Variants in DNAH6 observed in about 807,000 individuals in gnomAD.
DNAH6 encodes axonemal beta dynein heavy chain 6.
Under a neutral mutation model 491.4 loss-of-function variants are expected in DNAH6, and 340 were observed. The ratio of observed to expected loss-of-function variants is 0.69; its 90% CI spans 0.63 to 0.76. The LOEUF (loss-of-function observed/expected upper bound fraction) is 0.76, where lower values mean the gene tolerates loss of function less well. Ranked by LOEUF, DNAH6 falls within the 30% of genes least tolerant of loss-of-function variation. The pLI is 0.00. For synonymous variants in DNAH6, 1,603 were observed against 1,686.1 expected (o/e 0.95, Z 1.21); for missense variants, 4,443 against 4,972.2 (o/e 0.89, Z 3.20).
intron 11 of DNAH6, among the ~76,000 whole-genome samples, chr2:84,560,292 G>A (rs2104614006): frequency 6.6e-6 from 1 of 152,030 alleles, no homozygotes; most frequent in Non-Finnish European, 1.5e-5. Flanking sequence ...AAGAGAATTA[G>A]ACTAGCATCA....
At chr2:84,667,539 A>T (rs918519318) in intron 37 of DNAH6, among the ~76,000 whole-genome samples, 6 of 152,122 alleles carry the variant, frequency 3.9e-5, no homozygotes, top group Non-Finnish European at 7.4e-5. Flanking sequence ...TGCAAATCAA[A>T]ACCACAATGA....
intron 28 of DNAH6, 119 bp from the exon 29 acceptor site, chr2:84,624,783 G>A: frequency 1.6e-6 from 2 of 1,244,686 alleles, no homozygotes; most frequent in Middle Eastern, 2.4e-4. Context: ...ATCTTTTGGT[G>A]TATTTCAATT....
chr2:84,559,733 A>G (rs576664653), intron 11 of DNAH6, among the ~76,000 whole-genome samples: 1 of 152,362 alleles, frequency 6.6e-6, no homozygotes, highest in South Asian at 2.1e-4. Flanking sequence ...ACTAACAGCC[A>G]TGAAGCAAAA....
the DNAH6 span, among the ~76,000 whole-genome samples, chr2:84,497,619 A>T: frequency 1.4e-4 from 21 of 152,234 alleles, no homozygotes; most frequent in African/African-American, 5.1e-4. Flanking sequence ...GAACTGCCGT[A>T]GGATTCTCTG....
At chr2:84,670,275 T>A in intron 38 of DNAH6, 53 bp from the exon 39 acceptor site, 2 of 1,257,260 alleles carry the variant, frequency 1.6e-6, no homozygotes, top group East Asian at 2.6e-5. Context: ...ATTACAGATA[T>A]AACTGAAAGA....
intron 3 of DNAH6, among the ~76,000 whole-genome samples, chr2:84,527,778 G>A (rs562938027): frequency 6.6e-6 from 1 of 152,248 alleles, no homozygotes; most frequent in East Asian, 1.9e-4. Flanking sequence ...ATCAGAGTTG[G>A]GGTATAATGT....
intron 12 of DNAH6, among the ~76,000 whole-genome samples, chr2:84,575,250 C>G (rs1484917321): frequency 6.6e-6 from 1 of 152,152 alleles, no homozygotes; most frequent in East Asian, 1.9e-4. Context: ...AAATGTCTAA[C>G]TGAACTTTTA....
intron 31 of DNAH6, among the ~76,000 whole-genome samples, chr2:84,637,604 A>G (rs1250444151): frequency 6.6e-6 from 1 of 152,212 alleles, no homozygotes; most frequent in African/African-American, 2.4e-5. Context: ...ATAGGCCCCT[A>G]AAACTGGAAA....
Position 84,681,494 on chromosome 2 carries a change from CT to C in DNAH6, c.6885del (p.Phe2295LeufsTer3). On this transcript the variant is annotated frameshift_variant, in exon 42 of 77. Coordinates refer to ENST00000389394, the MANE Select transcript of DNAH6 (RefSeq NM_001370.2). LOFTEE classifies it high-confidence loss of function. Reference protein sequence around the residue: ...LPTPAKSHYVFNLRDLSKCVQ... With the variant: ...LPTPAKSHYVXNLRDLSKCVQ... ...CAACACCCGCCAAGTCCCATTATGT[CT>C]TTAACTTGAGGGACTTATCCAAATG... 1 of 1,550,052 alleles carries C rather than the reference CT, an allele frequency of 6.5e-7. No homozygotes were observed. The highest frequency in any genetic ancestry group is 1.7e-4 in the Middle Eastern group (1 of 5,984).
At chr2:84,462,729 G>A in the DNAH6 span, among the ~76,000 whole-genome samples, 1 of 152,216 alleles carries the variant, frequency 6.6e-6, no homozygotes, top group African/African-American at 2.4e-5. Flanking sequence ...GTCTTGGTCA[G>A]AGAATGCTTG....
chr2:84,658,228 C>T (rs1691163763), intron 35 of DNAH6, 64 bp from the exon 36 acceptor site: 1 of 1,180,940 alleles, frequency 8.5e-7, no homozygotes, highest in South Asian at 2.0e-5. Flanking sequence ...TTTAACCAAC[C>T]TAATTCTAAA....
chr2:84,790,640 T>C (rs1677640558), intron 68 of DNAH6, among the ~76,000 whole-genome samples: 1 of 152,162 alleles, frequency 6.6e-6, no homozygotes, highest in African/African-American at 2.4e-5. Flanking sequence ...GTCAAGATGC[T>C]CAATTTGTCA....
chr2:84,479,670 A>C, the DNAH6 span, among the ~76,000 whole-genome samples: 1 of 152,198 alleles, frequency 6.6e-6, no homozygotes, highest in African/African-American at 2.4e-5. Flanking sequence ...GGGAACCATA[A>C]AAGAGACCCA....
chr2:84,601,133 G>A (rs1573175521), intron 18 of DNAH6, among the ~76,000 whole-genome samples: 1 of 147,618 alleles, frequency 6.8e-6, no homozygotes, highest in African/African-American at 2.6e-5. Context: ...TGAACCTGGA[G>A]CATCTTGAGG....
At chr2:84,582,663 AG>A (rs1683151947) in intron 14 of DNAH6, among the ~76,000 whole-genome samples, 1 of 152,170 alleles carries the variant, frequency 6.6e-6, no homozygotes, top group African/African-American at 2.4e-5. Context: ...CGTGTTAGCC[AG>A]GATGGTCTTG....
At chr2:84,779,761 G>A (rs1676497004) in intron 64 of DNAH6, among the ~76,000 whole-genome samples, 1 of 152,100 alleles carries the variant, frequency 6.6e-6, no homozygotes, top group Admixed American at 6.5e-5. Flanking sequence ...TGTCTTTGTG[G>A]TAGCAGGTAT....
the DNAH6 span, among the ~76,000 whole-genome samples, chr2:84,493,926 C>T: frequency 8.5e-5 from 13 of 152,192 alleles, no homozygotes; most frequent in Non-Finnish European, 1.6e-4. Flanking sequence ...AGGCTCCCCA[C>T]CAAGGCACAC....
chr2:84,666,222 A>G (rs752673883), intron 37 of DNAH6, among the ~76,000 whole-genome samples: 1 of 152,162 alleles, frequency 6.6e-6, no homozygotes, highest in African/African-American at 2.4e-5. Context: ...CACCACTCCT[A>G]TTCAACATAG....
chr2:84,658,235 TA>T, intron 35 of DNAH6, 56 bp from the exon 36 acceptor site: 1 of 1,248,876 alleles, frequency 8.0e-7, no homozygotes, highest in Non-Finnish European at 1.1e-6. Flanking sequence ...AACCTAATTC[TA>T]AACTTAATTA....
Sources: allele counts gnomAD v4.1 joint callset (sites outside exome capture counted in the v4.1 genomes callset), GRCh38; gene constraint gnomAD v4.1.1; transcripts MANE v1.5; gene names NCBI Gene and HGNC (gene_info 2026-07-23, HGNC 2026-07-21).